HECW1: variants seen among roughly 807,000 people sequenced by gnomAD.
HECW1 encodes HECT, C2 and WW domain containing E3 ubiquitin protein ligase 1.
HECW1 carries 61 observed loss-of-function variants against 182.3 expected under a neutral mutation model. That is an observed-to-expected ratio of 0.33 (90% CI 0.27 to 0.41). The LOEUF (loss-of-function observed/expected upper bound fraction) is 0.41. Among genes scored for constraint, HECW1 ranks in the 10% least tolerant of loss-of-function variants. The pLI is 1.00. For synonymous variants in HECW1, 859 were observed against 832.6 expected, an observed-to-expected ratio of 1.03 and a Z score of -0.55; for missense variants, 1,739 against 2,108.9, an observed-to-expected ratio of 0.82 and a Z score of 3.44.
At chr7:43,215,860 CCT>C (rs1385266987) in intron 2 of HECW1, among the ~76,000 whole-genome samples, 1 of 152,154 alleles carries the variant, frequency 6.6e-6, no homozygotes, top group Non-Finnish European at 1.5e-5. Flanking sequence ...CATGTCTGTG[CCT>C]CTCTCTGTAG....
chr7:43,470,148 TC>T (rs904720322), intron 16 of HECW1, among the ~76,000 whole-genome samples: 2 of 152,178 alleles, frequency 1.3e-5, no homozygotes, highest in Admixed American at 1.3e-4. Context: ...CAGGATCTGC[TC>T]CCTGGGACCT....
Position 43,215,893 on chromosome 7 carries a change from T to A in HECW1, c.-31-27982T>A, listed in dbSNP as rs76573375. Among the ~76,000 whole-genome samples the A allele has an allele frequency of 5.9e-3, 899 of 152,318 alleles. 6 individuals carry two copies. Among genetic ancestry groups the A allele is most frequent in the African/African-American group, 0.02 (836 of 41,568 alleles). On this transcript the variant is annotated intron_variant, in intron 2 of 29. Coordinates refer to ENST00000395891, the MANE Select transcript of HECW1 (RefSeq NM_015052.5). ...TGTAGCTTTGTTCTGGTCACTGCTG[T>A]GTCTCCAAGGACGTATAGGGCCAGT...
intron 13 of HECW1, among the ~76,000 whole-genome samples, chr7:43,460,480 G>A (rs1291803280): frequency 6.6e-6 from 1 of 151,960 alleles, no homozygotes; most frequent in East Asian, 1.9e-4. Flanking sequence ...GATTGGTTTG[G>A]CTTGGTTTTG....
At chr7:43,118,059 G>C (rs1008706732) in intron 2 of HECW1, 1 of 152,746 alleles carries the variant, frequency 6.5e-6, no homozygotes, top group African/African-American at 2.4e-5. Context: ...GGTACCAGGG[G>C]GGCGGGGGAA....
At chr7:43,427,010 A>G (rs924676284) in intron 8 of HECW1, among the ~76,000 whole-genome samples, 24 of 152,072 alleles carry the variant, frequency 1.6e-4, no homozygotes, top group African/African-American at 5.8e-4. Context: ...ATGTATTATT[A>G]TAATCTATAA....
intron 20 of HECW1, 30 bp from the exon 21 acceptor site, chr7:43,501,183 C>CTTTTTTTTTT (rs567367189): frequency 1.1e-3 from 793 of 746,270 alleles, no homozygotes; most frequent in South Asian, 3.5e-3. Flanking sequence ...TCTTTTCTTT[C>CTTTTTTTTTT]TTTTTTTTTT....
intron 2 of HECW1, among the ~76,000 whole-genome samples, chr7:43,220,371 A>G (rs139989356): frequency 4.1e-4 from 63 of 152,280 alleles, no homozygotes; most frequent in African/African-American, 1.5e-3. Flanking sequence ...CTTCACGTCC[A>G]GAGTTGTTAT....
chr7:43,159,847 T>G (rs1217472317), intron 2 of HECW1, among the ~76,000 whole-genome samples: 2 of 152,014 alleles, frequency 1.3e-5, no homozygotes, highest in East Asian at 3.9e-4. Flanking sequence ...GCCCGGCTAA[T>G]TTTTTGTATT....
At chr7:43,132,227 T>C (rs898004232) in intron 2 of HECW1, among the ~76,000 whole-genome samples, 3 of 151,800 alleles carry the variant, frequency 2.0e-5, no homozygotes, top group African/African-American at 7.3e-5. Flanking sequence ...AGTCTATATA[T>C]TATAGATGTT....
At chr7:43,554,031 G>A (rs1419234982) in intron 28 of HECW1, among the ~76,000 whole-genome samples, 2 of 152,162 alleles carry the variant, frequency 1.3e-5, no homozygotes, top group Non-Finnish European at 2.9e-5. Flanking sequence ...CTGTGAGAGG[G>A]ACCCAGTACT....
intron 24 of HECW1, among the ~76,000 whole-genome samples, chr7:43,533,655 G>A (rs987281711): frequency 1.3e-5 from 2 of 152,136 alleles, no homozygotes; most frequent in East Asian, 1.9e-4. Context: ...TAACGACTGC[G>A]TGCAGGGTTT....
intron 19 of HECW1, among the ~76,000 whole-genome samples, chr7:43,497,727 T>C (rs1453219376): frequency 6.6e-6 from 1 of 152,126 alleles, no homozygotes; most frequent in Admixed American, 6.5e-5. Flanking sequence ...CAACAGGAGC[T>C]GATGACAGCT....
At chr7:43,332,975 A>T (rs1451109277) in intron 5 of HECW1, among the ~76,000 whole-genome samples, 1 of 152,186 alleles carries the variant, frequency 6.6e-6, no homozygotes, top group African/African-American at 2.4e-5. Flanking sequence ...TAGGACTGGG[A>T]TGGGAACCAA....
chr7:43,333,405 G>A (rs183065492), intron 5 of HECW1, among the ~76,000 whole-genome samples: 2 of 152,210 alleles, frequency 1.3e-5, no homozygotes, highest in East Asian at 1.9e-4. Flanking sequence ...ATCCAGAATC[G>A]CCCCTGTTTT....
chr7:43,541,625 G>T (rs1443829985), intron 25 of HECW1, among the ~76,000 whole-genome samples: 1 of 152,150 alleles, frequency 6.6e-6, no homozygotes, highest in Non-Finnish European at 1.5e-5. Context: ...TTTTCATGCA[G>T]AGTCCCTGAG....
intron 2 of HECW1, among the ~76,000 whole-genome samples, chr7:43,181,597 G>A (rs1401551709): frequency 1.3e-5 from 2 of 150,662 alleles, no homozygotes; most frequent in African/African-American, 2.5e-5. Flanking sequence ...GTGATGTTGA[G>A]TATTTTTTTA....
At chr7:43,285,859 A>G (rs1804575167) in intron 3 of HECW1, among the ~76,000 whole-genome samples, 1 of 152,252 alleles carries the variant, frequency 6.6e-6, no homozygotes, top group African/African-American at 2.4e-5. Context: ...ACAGTGAGCT[A>G]GATAGCAAGC....
intron 6 of HECW1, among the ~76,000 whole-genome samples, chr7:43,370,708 G>A (rs1184975963): frequency 1.3e-5 from 2 of 152,010 alleles, no homozygotes; most frequent in African/African-American, 2.4e-5. Flanking sequence ...AAAGACATGA[G>A]GAAATCTTAG....
chr7:43,488,362 GGAAGGA>G (rs2078739502), intron 17 of HECW1, among the ~76,000 whole-genome samples: 1 of 120,572 alleles, frequency 8.3e-6, no homozygotes. Flanking sequence ...AAGGAAGGAA[GGAAGGA>G]AGGAAGGAAG....
Sources: allele counts gnomAD v4.1 joint callset (sites outside exome capture counted in the v4.1 genomes callset), GRCh38; gene constraint gnomAD v4.1.1; transcripts MANE v1.5; gene names NCBI Gene and HGNC (gene_info 2026-07-23, HGNC 2026-07-21).